Variants in SRP68 observed in about 807,000 individuals in gnomAD.
The protein encoded by SRP68 is signal recognition particle subunit SRP68.
A neutral mutation model predicts 82.2 loss-of-function variants in SRP68; 15 were observed. That is an observed-to-expected ratio of 0.18 (90% CI 0.12 to 0.28). The LOEUF is 0.28. Among genes scored for constraint, SRP68 ranks in the 10% least tolerant of loss-of-function variants. The probability of loss-of-function intolerance (pLI) is 1.00; values close to 1 mark genes in which losing one functional copy is unlikely to be tolerated. For synonymous variants in SRP68, 261 were observed against 292.6 expected, an observed-to-expected ratio of 0.89 and a Z score of 1.10; for missense variants, 595 against 780.5, an observed-to-expected ratio of 0.76 and a Z score of 2.83.
intron 6 of SRP68, 87 bp from the exon 7 acceptor site, chr17:76,060,477 C>G (rs2066745252): frequency 1.1e-6 from 1 of 870,612 alleles, no homozygotes; most frequent in South Asian, 1.4e-5. Flanking sequence ...AAGAGCTCTT[C>G]CCCCTCCACA....
In SRP68 at chr17:76,047,914, G is replaced by A; in HGVS notation, c.1134C>T (p.Tyr378=). The A allele has an allele frequency of 6.5e-7, 1 of 1,549,642 alleles. No individual in the cohort carries two copies. ...GEPGKVSNLQ[Y]LHSYLTYIKL... ...ATTAAAATAACCCTTACCTATGCAA[G>A]TATTGAAGATTAGACACCTTCCCTG... The change falls in exon 10 of 16, where the codon TAC becomes TAT. Residue 378 remains tyrosine (Y), a synonymous_variant. Coordinates refer to ENST00000307877, the MANE Select transcript of SRP68 (RefSeq NM_014230.4).
intron 2 of SRP68, 145 bp downstream of exon 2, chr17:76,070,233 A>AAAAC (rs1423668206): frequency 2.6e-5 from 18 of 704,912 alleles, no homozygotes; most frequent in East Asian, 5.6e-5. Context: ...AAAAAAAAAA[A>AAAAC]AAAAAACAAA....
At chr17:76,053,800 A>G (rs2066693229) in intron 8 of SRP68, 1 of 225,498 alleles carries the variant, frequency 4.4e-6, no homozygotes, top group Admixed American at 6.5e-5. Flanking sequence ...AGCCTTCAAT[A>G]TATTTTGCTA....
At chr17:76,062,648 C>CATTATAT (rs1324916034) in intron 4 of SRP68, among the ~76,000 whole-genome samples, 2 of 22,224 alleles carry the variant, frequency 9.0e-5, no homozygotes, top group Non-Finnish European at 1.2e-4. Flanking sequence ...ATATAATATA[C>CATTATAT]ATTATATATT....
chr17:76,040,436 GGGA>G lies in SRP68; in HGVS notation c.1636_1638del (p.Ser546del), dbSNP rs747104077. ...AGACTTACCTTATTGTCCTTGACTT[GGGA>G]GGAGGAGGTCTCTGTTTGATGAGCG... is the stretch of plus-strand genomic sequence containing the variant. On this transcript the variant is annotated inframe_deletion, in exon 15 of 16. Coordinates refer to ENST00000307877, the MANE Select transcript of SRP68 (RefSeq NM_014230.4). The G allele has an allele frequency of 1.9e-6, 3 of 1,613,930 alleles. No individual in the cohort carries two copies. Among genetic ancestry groups the G allele is most frequent in the Non-Finnish European group, 1.7e-6 (2 of 1,179,930 alleles).
At chr17:76,057,333 T>G (rs2066719920) in intron 8 of SRP68, 70 bp downstream of exon 8, 2 of 1,589,746 alleles carry the variant, frequency 1.3e-6, no homozygotes, top group Admixed American at 3.4e-5. Context: ...AACGAGCCAC[T>G]ACATCTTAAA....
chr17:76,060,482 TC>T, intron 6 of SRP68, 92 bp from the exon 7 acceptor site: 1 of 807,424 alleles, frequency 1.2e-6, no homozygotes, highest in Non-Finnish European at 2.1e-6. Context: ...CTCTTCCCCC[TC>T]CACATGCTAC....
intron 10 of SRP68, 94 bp from the exon 11 acceptor site, chr17:76,046,288 A>C: frequency 3.5e-6 from 3 of 867,356 alleles, no homozygotes; most frequent in Non-Finnish European, 3.5e-6. Context: ...CAGAGGAAGC[A>C]GGGGGCGGGT....
chr17:76,065,370 T>C (rs1369250949), intron 3 of SRP68, among the ~76,000 whole-genome samples: 2 of 150,212 alleles, frequency 1.3e-5, no homozygotes, highest in Non-Finnish European at 3.0e-5. Context: ...ACAGGAGTTG[T>C]TCAAGGCTGC....
chr17:76,065,640 C>T (rs1462505980), intron 3 of SRP68, among the ~76,000 whole-genome samples: 1 of 152,030 alleles, frequency 6.6e-6, no homozygotes, highest in Admixed American at 6.6e-5. Flanking sequence ...ACTGCATGCA[C>T]GGATACCAGG....
chr17:76,072,264 C>G lies in SRP68; in HGVS notation c.184+44G>C. ...CTCTCCCGCCCCCAGCCCTCCAGTT[C>G]GACACGTAATCATTGCGAGTTAGGC... is the stretch of plus-strand genomic sequence containing the variant. On this transcript the variant is annotated intron_variant, in intron 1 of 15. Coordinates refer to ENST00000307877, the MANE Select transcript of SRP68 (RefSeq NM_014230.4). This position sits in a 1 kb window ranked among gnomAD's most constrained non-coding sequence, Gnocchi z 4.5. 1.2e-6 allele frequency: 2 copies of G among 1,603,880 alleles called. No individual in the cohort carries two copies. Among genetic ancestry groups the G allele is most frequent in the Middle Eastern group, 3.3e-4 (2 of 6,032 alleles).
intron 3 of SRP68, among the ~76,000 whole-genome samples, chr17:76,066,572 T>C (rs1464827698): frequency 6.6e-6 from 1 of 151,646 alleles, no homozygotes; most frequent in Non-Finnish European, 1.5e-5. Context: ...AATTAGATTC[T>C]AATCACTGAC....
intron 8 of SRP68, chr17:76,053,721 G>T: frequency 2.3e-6 from 2 of 859,176 alleles, no homozygotes; most frequent in Non-Finnish European, 1.4e-6. Context: ...CAATGACTCA[G>T]ACCACTAATC....
At chr17:76,047,142 C>T (rs1431745543) in intron 10 of SRP68, among the ~76,000 whole-genome samples, 2 of 152,142 alleles carry the variant, frequency 1.3e-5, no homozygotes, top group African/African-American at 4.8e-5. Context: ...AATCTTGAGT[C>T]AGGGCTGTCT....
In SRP68 at chr17:76,039,163, T is replaced by C. The variant is rs1012871610; in HGVS notation, c.*543A>G. 1.8e-5 allele frequency: 6 copies of C among 338,094 alleles called. No individual in the cohort carries two copies. Among genetic ancestry groups the C allele is most frequent in the Non-Finnish European group, 3.6e-5 (6 of 167,756 alleles). The allele number at this position is 338,094 out of a possible 1,614,324, so 20.9% of individuals were successfully genotyped here. A position where few individuals can be genotyped will look rare whatever the true frequency, so the allele number is the denominator to read the frequency against. On this transcript the variant is annotated 3_prime_UTR_variant, in exon 16 of 16. Coordinates refer to ENST00000307877, the MANE Select transcript of SRP68 (RefSeq NM_014230.4). ...TTTCATCATTTCTGAGTGTAACATA[T>C]TTCTTCTAAAAATAGAGCTCTCTGC...
intron 3 of SRP68, among the ~76,000 whole-genome samples, chr17:76,066,249 C>T (rs1284265872): frequency 1.3e-5 from 2 of 152,030 alleles, no homozygotes; most frequent in Non-Finnish European, 2.9e-5. Flanking sequence ...GTCAGGAGTT[C>T]AAGACAAGCC....
Position 76,061,506 on chromosome 17 carries a change from A to G in SRP68, c.630T>C (p.Ala210=). The G allele has an allele frequency of 6.2e-7, 1 of 1,613,876 alleles. No homozygotes were observed. The highest frequency in any genetic ancestry group is 2.2e-5 in the East Asian group (1 of 44,888). Residue 210 remains alanine (A), a synonymous_variant, in exon 5 of 16, where the codon GCT becomes GCC. Coordinates refer to ENST00000307877, the MANE Select transcript of SRP68 (RefSeq NM_014230.4). ...ATAGGACTTACTTGCATTTGTTAAA[A>G]GCCTCAATGGCAGCTTTCCATTCTT... ...EHQEWKAAIE[A]FNKCKTIYEK...
In SRP68 at chr17:76,039,904, G is replaced by A. The variant is rs1274126702; in HGVS notation, c.1686C>T (p.Cys562=). 5.0e-6 allele frequency: 8 copies of A among 1,614,222 alleles called. No homozygotes were observed. Among genetic ancestry groups the A allele is most frequent in the South Asian group, 2.2e-5 (2 of 91,088 alleles). The stretch of plus-strand genomic sequence containing the variant: ...GCTTGGTGACAAGGGAAGGGTCCAG[G>A]CAGAATGTCTCAAACCGTTCAACCA... ...KPLVERFETF[C]LDPSLVTKQA... The change falls in exon 16 of 16, where the codon TGC becomes TGT. Residue 562 remains cysteine, a synonymous_variant. Transcript: ENST00000307877.
At chr17:76,043,743 G>T in intron 13 of SRP68, 86 bp downstream of exon 13, 1 of 1,424,338 alleles carries the variant, frequency 7.0e-7, no homozygotes, top group Non-Finnish European at 9.3e-7. Context: ...CTGAGGTGGC[G>T]CCCAGCTGTT....
Sources: gnomAD v4.1 joint callset for allele counts (sites outside exome capture counted in the v4.1 genomes callset) on GRCh38, gnomAD v4.1.1 for gene constraint, Gnocchi (gnomAD v3.1) non-coding constraint, MANE v1.5 for transcripts, NCBI Gene and HGNC (gene_info 2026-07-23, HGNC 2026-07-21) for gene names.